PCDHA3: variants seen among roughly 807,000 people sequenced by gnomAD.
PCDHA3 encodes protocadherin alpha 3.
PCDHA3 carries 41 observed loss-of-function variants against 62.2 expected under a neutral mutation model. The observed-to-expected ratio is 0.66, with a 90% CI of 0.51 to 0.86. The LOEUF (loss-of-function observed/expected upper bound fraction) is 0.86. Among genes scored for constraint, PCDHA3 ranks in the 40% least tolerant of loss-of-function variants. The pLI is 0.00. For synonymous variants in PCDHA3, 640 were observed against 555.4 expected (o/e 1.15, Z -2.14); for missense variants, 1,304 against 1,241.2 (o/e 1.05, Z -0.76).
chr5:140,967,262 C>G (rs1554229356), intron 1 of PCDHA3: 1 of 1,613,522 alleles, frequency 6.2e-7, no homozygotes, highest in African/African-American at 1.3e-5. Flanking sequence ...GCCTGGAGCG[C>G]GCTTTCACAT....
intron 1 of PCDHA3, chr5:140,869,331 G>T: frequency 6.2e-7 from 1 of 1,613,954 alleles, no homozygotes; most frequent in Non-Finnish European, 8.5e-7. Flanking sequence ...ACCTTCTGGA[G>T]GTAAATCTGC....
At chr5:140,862,934 G>A (rs1050739882) in intron 1 of PCDHA3, 1 of 542,302 alleles carries the variant, frequency 1.8e-6, no homozygotes, top group South Asian at 1.4e-5. Context: ...TGGCGGCGCT[G>A]TGAGTGAGCT....
At chr5:140,882,201 C>T in intron 1 of PCDHA3, 1 of 1,528,460 alleles carries the variant, frequency 6.5e-7, no homozygotes, top group Non-Finnish European at 8.8e-7. Context: ...AAAATTGGGC[C>T]TTGAGAGACA....
At chr5:140,909,438 T>C (rs2074496860) in intron 1 of PCDHA3, among the ~76,000 whole-genome samples, 1 of 152,222 alleles carries the variant, frequency 6.6e-6, no homozygotes, top group Non-Finnish European at 1.5e-5. Context: ...GATAATCCAC[T>C]GTCATTCTCC....
rs143772295 is a variant in PCDHA3 at position 140,836,248 on chromosome 5, T to C, written c.2394+32657T>C. On this transcript the variant is annotated intron_variant, in intron 1 of 3. Coordinates refer to ENST00000522353, the MANE Select transcript of PCDHA3 (RefSeq NM_018906.3). Reference sequence around the variant, plus strand: ...GTGGCGGCCGGTGCGAGCATCCCGTTCCGCGTGGGGCTGTACACTGGTGAG... The same window carrying C: ...GTGGCGGCCGGTGCGAGCATCCCGTCCCGCGTGGGGCTGTACACTGGTGAG... 1,441 of 1,613,590 alleles carry C rather than the reference T, an allele frequency of 8.9e-4. 19 individuals are homozygous for C. The highest frequency in any genetic ancestry group is 1.2e-3 in the Non-Finnish European group (1,359 of 1,179,786).
Position 140,926,904 on chromosome 5 carries a change from T to G in PCDHA3, c.2395-52045T>G, listed in dbSNP as rs150445810. Reference sequence around the variant, plus strand: ...CGCCTAGAGGGAGGATGGTGGGCTGTGGGGTGGCAGTTTTATGTTTGTGGG... The same window carrying G: ...CGCCTAGAGGGAGGATGGTGGGCTGGGGGGTGGCAGTTTTATGTTTGTGGG... On this transcript the variant is annotated intron_variant, in intron 1 of 3. Transcript: ENST00000522353. 5,017 of 1,557,626 alleles carry G rather than the reference T, an allele frequency of 3.2e-3. 25 individuals carry two copies. Among genetic ancestry groups the G allele is most frequent in the African/African-American group, 0.019 (1,427 of 73,544 alleles).
intron 1 of PCDHA3, chr5:140,966,542 G>A (rs926112867): frequency 3.7e-5 from 17 of 464,420 alleles, no homozygotes; most frequent in African/African-American, 1.8e-4. Flanking sequence ...GAGCGACTCG[G>A]AGGCGAGCGG....
chr5:140,866,646 A>G (rs2049474250), intron 1 of PCDHA3: 1 of 152,112 alleles, frequency 6.6e-6, no homozygotes, highest in Admixed American at 6.5e-5. Context: ...GTCAAAATTT[A>G]TTTATGTGTT....
intron 1 of PCDHA3, among the ~76,000 whole-genome samples, chr5:140,958,063 A>G (rs2095406851): frequency 6.6e-6 from 1 of 152,118 alleles, no homozygotes; most frequent in Non-Finnish European, 1.5e-5. Flanking sequence ...GAGAGAAAAA[A>G]CACAGAAGCA....
chr5:140,940,494 G>C (rs553813143), intron 1 of PCDHA3, among the ~76,000 whole-genome samples: 1 of 151,724 alleles, frequency 6.6e-6, no homozygotes, highest in East Asian at 1.9e-4. Context: ...GACAAGTCTT[G>C]CTCCGTCGCT....
chr5:140,994,149 G>A (rs1299780463), intron 3 of PCDHA3, among the ~76,000 whole-genome samples: 2 of 152,174 alleles, frequency 1.3e-5, no homozygotes, highest in Non-Finnish European at 2.9e-5. Context: ...TACGTAGGTA[G>A]GGTCAACGAA....
At chr5:140,902,504 C>G (rs2069506794) in intron 1 of PCDHA3, among the ~76,000 whole-genome samples, 1 of 151,984 alleles carries the variant, frequency 6.6e-6, no homozygotes, top group African/African-American at 2.4e-5. Context: ...AGCTGTGAGT[C>G]TGTCATATAT....
rs200630375 is a variant in PCDHA3, at chr5:140,857,325, C to A, written c.2394+53734C>A. 1.8e-5 allele frequency: 28 copies of A among 1,598,630 alleles called. 3 individuals are homozygous for A. The highest frequency in any genetic ancestry group is 3.4e-5 in the Admixed American group (2 of 59,352). Reference sequence around the variant, plus strand: ...TCGGCCTATGAGCTGGTGGTGACCGCGCGGGACGGGGGCTCGCCTCCGCTG... The same window carrying A: ...TCGGCCTATGAGCTGGTGGTGACCGAGCGGGACGGGGGCTCGCCTCCGCTG... On this transcript the variant is annotated intron_variant, in intron 1 of 3. Transcript: ENST00000522353.
chr5:140,836,306 C>T (rs2150257273), intron 1 of PCDHA3: 4 of 1,613,706 alleles, frequency 2.5e-6, no homozygotes, highest in Non-Finnish European at 3.4e-6. Flanking sequence ...ATGAGACGGA[C>T]GCACCGCGCC....
At chr5:140,842,727 C>T (rs1554139317) in intron 1 of PCDHA3, 3 of 1,594,926 alleles carry the variant, frequency 1.9e-6, no homozygotes, top group Non-Finnish European at 1.7e-6. Context: ...GAGAACAACC[C>T]GCCGGGCTGC....
At chr5:140,843,811 A>G (rs1388764041) in intron 1 of PCDHA3, 1 of 1,276,222 alleles carries the variant, frequency 7.8e-7, no homozygotes, top group Non-Finnish European at 1.1e-6. Context: ...CGTATTTTAT[A>G]GTGAAAATTT....
Position 140,812,492 on chromosome 5 carries a change from T to C in PCDHA3, c.2394+8901T>C, listed in dbSNP as rs2126639382. 41 of 152,288 alleles carry C rather than the reference T, an allele frequency of 2.7e-4. No homozygotes were observed. In the East Asian group the frequency reaches 6.7e-3, roughly 25 times the overall value. The allele number at this position is 152,288 out of a possible 1,614,324, so 9.4% of individuals were successfully genotyped here. A position where few individuals can be genotyped will look rare whatever the true frequency, so the allele number is the denominator to read the frequency against. On this transcript the variant is annotated intron_variant, in intron 1 of 3. Coordinates refer to ENST00000522353, the MANE Select transcript of PCDHA3 (RefSeq NM_018906.3). ...TTTATTTTTGCTCTAATCTTTATTA[T>C]AGTATTTCCTCCCTTTGCTTTGGGC...
intron 1 of PCDHA3, among the ~76,000 whole-genome samples, chr5:140,907,411 G>T (rs1053744231): frequency 6.6e-6 from 1 of 152,192 alleles, no homozygotes; most frequent in Non-Finnish European, 1.5e-5. Flanking sequence ...GGAATACCAC[G>T]ATGGTGGATA....
At chr5:140,893,385 G>A (rs2063961874) in intron 1 of PCDHA3, among the ~76,000 whole-genome samples, 1 of 152,138 alleles carries the variant, frequency 6.6e-6, no homozygotes, top group South Asian at 2.1e-4. Flanking sequence ...TGGGACAGTG[G>A]CTCATGCCTG....
Sources: allele counts gnomAD v4.1 joint callset (sites outside exome capture counted in the v4.1 genomes callset), GRCh38; gene constraint gnomAD v4.1.1; transcripts MANE v1.5; gene names NCBI Gene and HGNC (gene_info 2026-07-23, HGNC 2026-07-21).